Variants in SVOP observed in about 807,000 individuals in gnomAD.
SVOP encodes the protein synaptic vesicle 2-related protein.
Under a neutral mutation model 69.1 loss-of-function variants are expected in SVOP, and 17 were observed. The ratio of observed to expected loss-of-function variants is 0.25; its 90% CI spans 0.17 to 0.37. The LOEUF (loss-of-function observed/expected upper bound fraction) is 0.37, where lower values mean the gene tolerates loss of function less well. SVOP is among the 10% of genes least tolerant of loss of function. The pLI, the probability that SVOP is intolerant of heterozygous loss-of-function variation, is 1.00. For synonymous variants in SVOP, 238 were observed against 238.6 expected, an observed-to-expected ratio of 1.00 and a Z score of 0.02; for missense variants, 435 against 597.5, an observed-to-expected ratio of 0.73 and a Z score of 2.84.
chr12:108,942,919 C>G (rs1246803762), intron 7 of SVOP, among the ~76,000 whole-genome samples: 3 of 152,062 alleles, frequency 2.0e-5, no homozygotes, highest in Admixed American at 6.6e-5. Context: ...TGTGTGCCAC[C>G]ACACCTGGTT....
chr12:108,982,164 C>A (rs2040139673), intron 2 of SVOP, among the ~76,000 whole-genome samples: 1 of 151,872 alleles, frequency 6.6e-6, no homozygotes, highest in Admixed American at 6.6e-5. Flanking sequence ...ACCTTATCAT[C>A]ACCATCTTCA....
In SVOP at chr12:108,940,802, G is replaced by T; in HGVS notation, c.750C>A (p.Leu250=). The T allele has an allele frequency of 6.5e-7, 1 of 1,537,266 alleles. No individual in the cohort carries two copies. Residue 250 remains leucine (L), a synonymous_variant, in exon 8 of 16, where the codon CTC becomes CTA. Coordinates refer to ENST00000610966, the MANE Select transcript of SVOP (RefSeq NM_018711.5). ...TACCTACGAAACACAGCACGGCAAA[G>T]AGGAGGAGCGGGACAGCTGAGAGGA... ...LLILSAVPLL[L]FAVLCFWLPE... is the part of the protein sequence containing the mutation.
At chr12:109,011,494 C>A (rs1013374322) in intron 1 of SVOP, among the ~76,000 whole-genome samples, 36 of 152,166 alleles carry the variant, frequency 2.4e-4, no homozygotes, top group African/African-American at 8.2e-4. Context: ...AGGTCTCAGG[C>A]GGATGGGAGC....
rs1344553865 is a variant in SVOP at position 108,982,579 on chromosome 12, TATC to T, written c.196+1019_196+1021del. ...TCATCGTCACCATCATCTTCACCAT[TATC>T]ATCATCACTATCATCACCACTGCCA... On this transcript the variant is annotated intron_variant, in intron 2 of 15. Transcript: ENST00000610966. Among the ~76,000 whole-genome samples, 74 of 124,080 alleles carry T rather than the reference TATC, an allele frequency of 6.0e-4. No individual in the cohort carries two copies. In the East Asian group the frequency reaches 0.017, roughly 28 times the overall value. The allele number at this position is 124,080 out of a possible 152,430, so 81.4% of individuals were successfully genotyped here. A position where few individuals can be genotyped will look rare whatever the true frequency, so the allele number is the denominator to read the frequency against.
chr12:109,004,572 AT>A (rs570106108), intron 1 of SVOP, among the ~76,000 whole-genome samples: 2 of 150,294 alleles, frequency 1.3e-5, no homozygotes, highest in African/African-American at 2.4e-5. Flanking sequence ...TGCTCAGCAT[AT>A]TTTTTTTTAA....
At chr12:108,949,482 C>G (rs1433405413) in intron 6 of SVOP, among the ~76,000 whole-genome samples, 1 of 152,030 alleles carries the variant, frequency 6.6e-6, no homozygotes, top group Non-Finnish European at 1.5e-5. Flanking sequence ...GTTGGCCAGG[C>G]TGGTCTCGAA....
chr12:108,912,986 A>T (rs1383198281), intron 15 of SVOP, among the ~76,000 whole-genome samples: 1 of 152,144 alleles, frequency 6.6e-6, no homozygotes, highest in African/African-American at 2.4e-5. Flanking sequence ...TGCTGGTGCC[A>T]TGCTTGTACA....
intron 5 of SVOP, among the ~76,000 whole-genome samples, chr12:108,968,529 A>G (rs2040059651): frequency 1.3e-5 from 2 of 152,224 alleles, no homozygotes; most frequent in Non-Finnish European, 2.9e-5. Flanking sequence ...CTCCTCTGAT[A>G]TAAATAAGGA....
chr12:108,969,199 T>G (rs937778176), intron 5 of SVOP, among the ~76,000 whole-genome samples: 6 of 152,252 alleles, frequency 3.9e-5, no homozygotes, highest in African/African-American at 1.4e-4. Context: ...ATGACTCTGT[T>G]TTATTTTCAG....
At chr12:108,952,230 C>CTTTTTTTTTTTTTTTTTTTTTTTTTTTT (rs36191772) in intron 6 of SVOP, among the ~76,000 whole-genome samples, 1 of 98,360 alleles carries the variant, frequency 1.0e-5, no homozygotes, top group Non-Finnish European at 2.0e-5. Context: ...TTTCTTTTCT[C>CTTTTTTTTTTTTTTTTTTTTTTTTTTTT]TTTTTTTTTT....
chr12:108,949,660 CCT>C (rs2039943785), intron 6 of SVOP, among the ~76,000 whole-genome samples: 1 of 151,794 alleles, frequency 6.6e-6, no homozygotes, highest in South Asian at 2.1e-4. Context: ...TCTTTCCTTC[CCT>C]CTCTCCTACC....
chr12:109,018,903 T>C (rs188080355), intron 1 of SVOP, among the ~76,000 whole-genome samples: 244 of 152,328 alleles, frequency 1.6e-3, no homozygotes, highest in African/African-American at 5.1e-3. Flanking sequence ...ACCTTATGAA[T>C]TAAGTACTGT....
chr12:108,931,409 T>C (rs2039817723), intron 11 of SVOP, among the ~76,000 whole-genome samples: 1 of 152,230 alleles, frequency 6.6e-6, no homozygotes, highest in South Asian at 2.1e-4. Context: ...TTCTTTGCAT[T>C]TGTTTCTTTT....
At position 108,919,376 on chromosome 12, in the gene SVOP, C is replaced by T. The variant is rs116559206; in HGVS notation, c.1268+299G>A. Among the ~76,000 whole-genome samples, 451 of 150,742 alleles carry T rather than the reference C, an allele frequency of 3.0e-3. 3 individuals are homozygous for T. The highest frequency in any genetic ancestry group is 9.6e-3 in the African/African-American group (395 of 40,974). ...GCACCCACACTTGGGCCTATACCCA[C>T]ACCTGGGCCTATACCCACACCTGGG... is the stretch of plus-strand genomic sequence containing the variant. On this transcript the variant is annotated intron_variant, in intron 13 of 15. Coordinates refer to ENST00000610966, the MANE Select transcript of SVOP (RefSeq NM_018711.5).
chr12:108,969,332 C>T (rs1176046417), intron 5 of SVOP, among the ~76,000 whole-genome samples: 1 of 149,294 alleles, frequency 6.7e-6, no homozygotes, highest in Non-Finnish European at 1.5e-5. Flanking sequence ...TCCCCCCTCC[C>T]TTCCTACCTC....
intron 13 of SVOP, 26 bp from the exon 14 acceptor site, chr12:108,918,150 T>C (rs1246652906): frequency 1.3e-6 from 2 of 1,532,944 alleles, no homozygotes; most frequent in Non-Finnish European, 1.8e-6. Flanking sequence ...AGGCAGATGA[T>C]GGCATTTTTT....
At chr12:108,939,013 C>T (rs942920891) in intron 8 of SVOP, 58 bp from the exon 9 acceptor site, 25 of 1,610,648 alleles carry the variant, frequency 1.6e-5, no homozygotes, top group African/African-American at 4.0e-5. Flanking sequence ...ACAGAGCACT[C>T]GCTTCTAGCC....
At chr12:108,972,042 AC>A (rs1566060198) in intron 5 of SVOP, among the ~76,000 whole-genome samples, 2 of 151,580 alleles carry the variant, frequency 1.3e-5, no homozygotes, top group African/African-American at 4.9e-5. Flanking sequence ...CCTGTCTCAA[AC>A]AAAAAGAAAA....
At chr12:108,932,558 C>G (rs1410968952) in intron 11 of SVOP, among the ~76,000 whole-genome samples, 2 of 152,188 alleles carry the variant, frequency 1.3e-5, no homozygotes, top group Non-Finnish European at 2.9e-5. Flanking sequence ...AGTAACTTAA[C>G]TGCAAACCAA....
Sources: allele counts gnomAD v4.1 joint callset (sites outside exome capture counted in the v4.1 genomes callset), GRCh38; gene constraint gnomAD v4.1.1; transcripts MANE v1.5; gene names NCBI Gene and HGNC (gene_info 2026-07-23, HGNC 2026-07-21).